Variants in PEX5L observed in about 807,000 individuals in gnomAD.
PEX5L encodes peroxisomal biogenesis factor 5 like.
In PEX5L, 30 loss-of-function variants were observed where a neutral mutation model predicts 84.0. That is an observed-to-expected ratio of 0.36 (90% confidence interval 0.27 to 0.48). The LOEUF (loss-of-function observed/expected upper bound fraction) is 0.48, where lower values mean the gene tolerates loss of function less well. PEX5L is among the 20% of genes least tolerant of loss of function. The pLI, the probability that PEX5L is intolerant of heterozygous loss-of-function variation, is 0.99. For missense variants in PEX5L, 533 were observed against 754.6 expected (o/e 0.71, Z 3.44); for synonymous variants, 270 against 283.1 (o/e 0.95, Z 0.46).
chr3:179,905,766 T>A (rs1013425410), intron 2 of PEX5L, among the ~76,000 whole-genome samples: 1 of 152,176 alleles, frequency 6.6e-6, no homozygotes. Flanking sequence ...CTTGTTATTA[T>A]CTTTTATTTT....
chr3:179,960,111 G>A (rs1046174983), intron 2 of PEX5L, among the ~76,000 whole-genome samples: 11 of 152,018 alleles, frequency 7.2e-5, no homozygotes, highest in Non-Finnish European at 1.6e-4. Flanking sequence ...ACAGAACCTA[G>A]GGGGACTTGC....
At chr3:180,023,326 A>C (rs2110514784) in intron 1 of PEX5L, among the ~76,000 whole-genome samples, 1 of 152,328 alleles carries the variant, frequency 6.6e-6, no homozygotes, top group African/African-American at 2.4e-5. Flanking sequence ...CAGAGATATC[A>C]GTATTATATC....
chr3:180,023,771 C>G lies in PEX5L; in HGVS notation c.21+12808G>C, dbSNP rs112046303. ...ATCTACACACACACACGCACACACA[C>G]AGAGAGAGAGAGAGAGAGAGAGAGA... On this transcript the variant is annotated intron_variant, in intron 1 of 14. Transcript: ENST00000467460. Among the ~76,000 whole-genome samples, 191 of 102,726 alleles carry G rather than the reference C, an allele frequency of 1.9e-3. 1 individual carries two copies. The highest frequency in any genetic ancestry group is 7.2e-3 in the East Asian group (35 of 4,884). 67.4% of individuals were successfully genotyped at this position (102,726 alleles called of 152,430 possible).
At chr3:179,955,084 GAA>G (rs1395943123) in intron 2 of PEX5L, among the ~76,000 whole-genome samples, 5 of 152,044 alleles carry the variant, frequency 3.3e-5, no homozygotes, top group Non-Finnish European at 5.9e-5. Flanking sequence ...GCTTCCCCAA[GAA>G]CTTTAAATCT....
intron 1 of PEX5L, among the ~76,000 whole-genome samples, chr3:180,011,320 C>T (rs1408059171): frequency 6.6e-6 from 1 of 152,128 alleles, no homozygotes; most frequent in African/African-American, 2.4e-5. Context: ...AGGCAGTAAA[C>T]GACGATTTAG....
At chr3:179,887,590 A>T in intron 4 of PEX5L, 83 bp downstream of exon 4, 1 of 882,250 alleles carries the variant, frequency 1.1e-6, no homozygotes, top group Non-Finnish European at 1.9e-6. Context: ...TTCCTCACTT[A>T]AAATGTATTA....
intron 2 of PEX5L, among the ~76,000 whole-genome samples, chr3:179,950,310 G>C (rs1778727579): frequency 1.3e-5 from 2 of 150,368 alleles, no homozygotes; most frequent in Non-Finnish European, 3.0e-5. Context: ...ACTGAACAAT[G>C]AGAACACTTG....
chr3:179,954,168 G>A (rs548983556), intron 2 of PEX5L, among the ~76,000 whole-genome samples: 39 of 137,268 alleles, frequency 2.8e-4, no homozygotes, highest in Middle Eastern at 3.6e-3. Context: ...TACTATTTAA[G>A]TTCCACAAGA....
intron 2 of PEX5L, chr3:179,921,436 G>A (rs1044187115): frequency 6.6e-6 from 1 of 152,162 alleles, no homozygotes; most frequent in Admixed American, 6.5e-5. Flanking sequence ...TCTTTCTGAT[G>A]CTGGCAACTC....
intron 1 of PEX5L, among the ~76,000 whole-genome samples, chr3:179,998,856 G>A (rs1039754624): frequency 2.0e-5 from 3 of 152,210 alleles, no homozygotes; most frequent in African/African-American, 7.2e-5. Context: ...CTGCACCAAT[G>A]GCCTCAGGGG....
chr3:179,957,509 C>T (rs1029512507), intron 2 of PEX5L, among the ~76,000 whole-genome samples: 4 of 152,174 alleles, frequency 2.6e-5, no homozygotes, highest in African/African-American at 9.7e-5. Context: ...TGACACTGGA[C>T]ATGTGCCAAC....
rs531836746 is a variant in PEX5L, at chr3:179,947,349, C to T, written c.93+24245G>A. On this transcript the variant is annotated intron_variant, in intron 2 of 14. Transcript: ENST00000467460. Reference sequence around the variant, plus strand: ...AAATATTACACAATAATTATCGTTACCATTAATTGAACACCTACTATGTGC... The same window carrying T: ...AAATATTACACAATAATTATCGTTATCATTAATTGAACACCTACTATGTGC... 2.0e-5 allele frequency among the ~76,000 whole-genome samples: 3 copies of T among 152,004 alleles called. No homozygotes were observed. In the South Asian group the frequency reaches 6.3e-4, roughly 32 times the overall value.
chr3:179,896,256 A>G (rs1759231320), intron 3 of PEX5L: 2 of 152,174 alleles, frequency 1.3e-5, no homozygotes, highest in South Asian at 4.1e-4. Context: ...ATTCTGTAAT[A>G]CTATCAACAC....
intron 8 of PEX5L, among the ~76,000 whole-genome samples, chr3:179,832,964 T>G (rs1306700931): frequency 6.6e-6 from 1 of 152,270 alleles, no homozygotes; most frequent in Non-Finnish European, 1.5e-5. Context: ...AAATAATGCC[T>G]TCTTTGAATC....
intron 11 of PEX5L, among the ~76,000 whole-genome samples, chr3:179,809,916 A>G (rs915101271): frequency 6.7e-6 from 1 of 149,282 alleles, no homozygotes; most frequent in African/African-American, 2.5e-5. Context: ...CTTTAAAACT[A>G]TGTGGCTTAT....
chr3:180,005,893 T>A (rs566826153), intron 1 of PEX5L, among the ~76,000 whole-genome samples: 1 of 152,338 alleles, frequency 6.6e-6, no homozygotes, highest in South Asian at 2.1e-4. Flanking sequence ...CTCAAAAAGG[T>A]ATGCCTTTCT....
intron 2 of PEX5L, among the ~76,000 whole-genome samples, chr3:179,945,487 C>A (rs1777262750): frequency 6.6e-6 from 1 of 152,172 alleles, no homozygotes; most frequent in East Asian, 1.9e-4. Flanking sequence ...ATGGCATCTA[C>A]CACTTGAGGT....
chr3:179,998,512 G>A (rs9828846), intron 1 of PEX5L, among the ~76,000 whole-genome samples: 4,788 of 152,244 alleles, frequency 0.031, 280 homozygotes, highest in African/African-American at 0.11. Context: ...GAGGCCTCTA[G>A]GATTTTGGAG....
intron 2 of PEX5L, among the ~76,000 whole-genome samples, chr3:179,937,116 A>T (rs1018376948): frequency 3.9e-5 from 6 of 152,152 alleles, no homozygotes; most frequent in African/African-American, 1.2e-4. Flanking sequence ...ATAAGAACAA[A>T]TGTATATAAT....
Sources: gnomAD v4.1 joint callset for allele counts (sites outside exome capture counted in the v4.1 genomes callset) on GRCh38, gnomAD v4.1.1 for gene constraint, MANE v1.5 for transcripts, NCBI Gene and HGNC (gene_info 2026-07-23, HGNC 2026-07-21) for gene names.